WNK3: variants seen among roughly 807,000 people sequenced by gnomAD.
WNK3 encodes WNK lysine deficient protein kinase 3, also known as serine/threonine-protein kinase WNK3.
Under a neutral mutation model 116.7 loss-of-function variants are expected in WNK3, and 18 were observed. The ratio of observed to expected loss-of-function variants is 0.15; its 90% CI spans 0.11 to 0.23. The LOEUF (loss-of-function observed/expected upper bound fraction) is 0.23, where lower values mean the gene tolerates loss of function less well. Ranked by LOEUF, WNK3 falls within the 10% of genes least tolerant of loss-of-function variation. The probability of loss-of-function intolerance (pLI) is 1.00; values close to 1 mark genes in which losing one functional copy is unlikely to be tolerated. For synonymous variants in WNK3, 404 were observed against 469.4 expected (o/e 0.86, Z 1.80); for missense variants, 993 against 1,323.8 (o/e 0.75, Z 3.88).
chrX:54,247,358 T>C (rs2068083748), intron 17 of WNK3, among the ~76,000 whole-genome samples: 1 of 111,084 alleles, frequency 9.0e-6, no homozygotes, highest in Admixed American at 9.6e-5. Context: ...CTTTAAATTA[T>C]ATGTATCAGT....
chrX:54,238,598 T>A, intron 18 of WNK3, 126 bp from the exon 19 acceptor site: 1 of 671,224 alleles, frequency 1.5e-6, no homozygotes. Context: ...TAAAAGGTGT[T>A]AATGTAATAA....
rs781842897 is a variant in WNK3, at chrX:54,264,194, G to A, written c.2038-4856C>T. Among the ~76,000 whole-genome samples, 3 of 109,774 alleles carry A rather than the reference G, an allele frequency of 2.7e-5. No homozygotes were observed. The Admixed American group carries it at 2.9e-4, about 11-fold the overall frequency. ...CTAAAAATACAAAAATTAGCCAGAT[G>A]TGGTGGCACATGACTGTAATCCCAG... On this transcript the variant is annotated intron_variant, in intron 10 of 23. Transcript: ENST00000354646.
intron 2 of WNK3, among the ~76,000 whole-genome samples, chrX:54,318,267 T>G (rs781968259): frequency 4.5e-4 from 48 of 105,883 alleles, no homozygotes; most frequent in African/African-American, 1.5e-3. Context: ...GGCTGAGGCA[T>G]GAGAATTGCT....
At chrX:54,272,036 T>C (rs2068389418) in intron 10 of WNK3, among the ~76,000 whole-genome samples, 1 of 112,389 alleles carries the variant, frequency 8.9e-6, no homozygotes. Flanking sequence ...ACACCCACTG[T>C]TTAAACTGAT....
chrX:54,298,376 T>C, exon 7 of WNK3: 1 of 1,205,809 alleles, frequency 8.3e-7, no homozygotes, highest in Non-Finnish European at 1.1e-6. Context: ...CATGGTTTAA[T>C]AGGTCCCTGA....
chrX:54,259,459 C>T (rs1175113835), intron 10 of WNK3, 121 bp from the exon 11 acceptor site: 3 of 348,624 alleles, frequency 8.6e-6, no homozygotes, highest in Non-Finnish European at 1.5e-5. Context: ...GGTAGAATAT[C>T]TATGTTATTG....
chrX:54,222,486 G>A (rs1557146735), intron 22 of WNK3, among the ~76,000 whole-genome samples: 1 of 108,495 alleles, frequency 9.2e-6, no homozygotes, highest in African/African-American at 3.4e-5. Context: ...TTGAGCCCGG[G>A]AGGTTGAGGT....
chrX:54,329,864 T>C (rs2069147703), intron 2 of WNK3, among the ~76,000 whole-genome samples: 1 of 111,693 alleles, frequency 9.0e-6, no homozygotes, highest in South Asian at 3.7e-4. Context: ...AATGCAGAGA[T>C]GAAATTAAAA....
chrX:54,358,169 C>T (rs1045903442), upstream of WNK3, among the ~76,000 whole-genome samples: 4 of 111,525 alleles, frequency 3.6e-5, no homozygotes, highest in Non-Finnish European at 7.6e-5. Flanking sequence ...GCCGAGTGGC[C>T]AGCCAACTAG....
Position 54,306,500 on chromosome X carries a change from T to A in WNK3, c.1089+1422A>T, listed in dbSNP as rs782391949. ...ATTCTATCATTTGTGACAATGTGGA[T>A]GAACCTAGAAGACATTATGTTAAGT... is the stretch of plus-strand genomic sequence containing the variant. On this transcript the variant is annotated intron_variant, in intron 5 of 23. Coordinates refer to ENST00000354646, the Ensembl canonical transcript of WNK3. Among the ~76,000 whole-genome samples, 20 of 111,892 alleles carry A rather than the reference T, an allele frequency of 1.8e-4. No homozygotes were observed. In the South Asian group the frequency reaches 7.5e-3, roughly 42 times the overall value.
chrX:54,325,356 A>G, intron 2 of WNK3, among the ~76,000 whole-genome samples: 1 of 111,094 alleles, frequency 9.0e-6, no homozygotes, highest in Non-Finnish European at 1.9e-5. Flanking sequence ...AACATATTTC[A>G]AATCTCTATG....
chrX:54,303,711 C>A (rs1603393963), intron 5 of WNK3, among the ~76,000 whole-genome samples: 1 of 111,009 alleles, frequency 9.0e-6, no homozygotes, highest in African/African-American at 3.3e-5. Context: ...CCTATTAAAA[C>A]AGCAACTCAA....
chrX:54,307,064 C>T (rs1557168814), intron 5 of WNK3, among the ~76,000 whole-genome samples: 1 of 109,185 alleles, frequency 9.2e-6, no homozygotes, highest in Non-Finnish European at 1.9e-5. Context: ...CCCATCTCTA[C>T]TAAAAATACA....
chrX:54,206,332 G>GTTT (rs1359338780), intron 22 of WNK3, among the ~76,000 whole-genome samples: 1 of 111,132 alleles, frequency 9.0e-6, no homozygotes, highest in Non-Finnish European at 1.9e-5. Context: ...CAGGGTTATG[G>GTTT]TGAACTATGA....
At chrX:54,233,139 T>C (rs1332241462) in intron 20 of WNK3, 119 bp from the exon 21 acceptor site, 33 of 539,188 alleles carry the variant, frequency 6.1e-5, no homozygotes, top group Non-Finnish European at 7.7e-5. Context: ...AATGGGGAAA[T>C]AGAGACTAGG....
chrX:54,224,631 A>G (rs1419345177), intron 22 of WNK3, among the ~76,000 whole-genome samples: 6 of 104,743 alleles, frequency 5.7e-5, no homozygotes, highest in African/African-American at 1.5e-4. Context: ...GTGCAGTGGC[A>G]AGATCTCGGC....
chrX:54,198,374 G>A (rs781817419), exon 24 of WNK3: 3 of 1,209,651 alleles, frequency 2.5e-6, no homozygotes, highest in Middle Eastern at 2.3e-4. Context: ...GATGAAGTTG[G>A]AAATGCCTGC....
intron 20 of WNK3, among the ~76,000 whole-genome samples, chrX:54,233,950 GCCTGGGTGACAGAGCAAGA>G (rs2067933832): frequency 9.0e-6 from 1 of 110,509 alleles, no homozygotes; most frequent in Non-Finnish European, 1.9e-5. Flanking sequence ...CTGCACTCCA[GCCTGGGTGACAGAGCAAGA>G]CCTCATCTTA....
At chrX:54,324,353 T>TG (rs2069072825) in intron 2 of WNK3, among the ~76,000 whole-genome samples, 1 of 111,955 alleles carries the variant, frequency 8.9e-6, no homozygotes, top group Admixed American at 9.6e-5. Context: ...TGGACATCTT[T>TG]GGGGGGCTAT....
Sources: gnomAD v4.1 joint callset for allele counts (sites outside exome capture counted in the v4.1 genomes callset) on GRCh38, gnomAD v4.1.1 for gene constraint, MANE v1.5 for transcripts, NCBI Gene and HGNC (gene_info 2026-07-23, HGNC 2026-07-21) for gene names.